KCTD3: variants seen among roughly 807,000 people sequenced by gnomAD.
KCTD3 encodes BTB/POZ domain-containing protein KCTD3.
A neutral mutation model predicts 85.8 loss-of-function variants in KCTD3; 41 were observed. The ratio of observed to expected loss-of-function variants is 0.48; its 90% CI spans 0.37 to 0.62. The LOEUF is 0.62. Ranked by LOEUF, KCTD3 falls within the 20% of genes least tolerant of loss-of-function variation. KCTD3 has a pLI of 0.00. For missense variants in KCTD3, 724 were observed against 989.9 expected (o/e 0.73, Z 3.60); for synonymous variants, 338 against 345.4 (o/e 0.98, Z 0.24).
chr1:215,570,732 AC>A (rs1336359480), intron 1 of KCTD3, among the ~76,000 whole-genome samples: 1 of 152,212 alleles, frequency 6.6e-6, no homozygotes, highest in African/African-American at 2.4e-5. Flanking sequence ...TTAGATTGCT[AC>A]CAAGTTAATT....
chr1:215,620,336 G>A lies in KCTD3; in HGVS notation c.2166G>A (p.Leu722=). 1 of 1,613,864 alleles carries A rather than the reference G, an allele frequency of 6.2e-7. No homozygotes were observed. The highest frequency in any genetic ancestry group is 8.5e-7 in the Non-Finnish European group (1 of 1,179,860). The change falls in exon 18 of 18, where the codon TTG becomes TTA. Residue 722 remains leucine (L), a synonymous_variant. Coordinates refer to ENST00000259154, the MANE Select transcript of KCTD3 (RefSeq NM_016121.5). ...TAGAAATAAAAAGTTTGAGAGAATT[G>A]GATAGTGGATTGGAAGTGCATAAAA... ...PGVEIKSLRE[L]DSGLEVHKIA...
intron 9 of KCTD3, among the ~76,000 whole-genome samples, chr1:215,587,690 T>C (rs1660063636): frequency 6.6e-6 from 1 of 152,218 alleles, no homozygotes; most frequent in Non-Finnish European, 1.5e-5. Flanking sequence ...AACTTGATCT[T>C]ACACAGATAT....
intron 13 of KCTD3, among the ~76,000 whole-genome samples, chr1:215,605,894 A>T (rs1655000560): frequency 6.6e-6 from 1 of 152,094 alleles, no homozygotes; most frequent in African/African-American, 2.4e-5. Flanking sequence ...CCCCTAGATG[A>T]CTGTAGTAAC....
chr1:215,618,939 G>C lies in KCTD3; in HGVS notation c.1616G>C (p.Arg539Thr), dbSNP rs776098921. ...DCTTISSFTV[R>T]ECEGSSRMGS... is the part of the protein sequence containing the mutation. ...ACTACAATATCCTCATTTACAGTGA[G>C]GGAATGTGAGGGATCCAGTAGGATG... Residue 539 changes from arginine to threonine, a missense_variant, in exon 16 of 18, where the codon AGG (arginine) becomes ACG (threonine). Arg to Thr is a moderately conservative substitution (Grantham distance 71, BLOSUM62 -1). This residue lies in a region of KCTD3 where 136 missense variants were observed against 197.6 expected (regional missense o/e 0.69). Transcript: ENST00000259154. The C allele has an allele frequency of 6.2e-7, 1 of 1,613,480 alleles. No homozygotes were observed. Among genetic ancestry groups the C allele is most frequent in the South Asian group, 1.1e-5 (1 of 90,884 alleles).
intron 9 of KCTD3, among the ~76,000 whole-genome samples, chr1:215,590,733 T>C (rs1451918327): frequency 6.6e-6 from 1 of 152,224 alleles, no homozygotes; most frequent in Non-Finnish European, 1.5e-5. Context: ...CTTGTCTTTT[T>C]GTTCATTATG....
chr1:215,580,032 A>C (rs1436043039), intron 8 of KCTD3, 33 bp downstream of exon 8: 1 of 1,298,814 alleles, frequency 7.7e-7, no homozygotes, highest in Admixed American at 2.0e-5. Context: ...TTGCTTTTAC[A>C]GGTGGCAGTT....
chr1:215,583,243 T>C (rs1659892014), intron 8 of KCTD3, among the ~76,000 whole-genome samples: 1 of 152,192 alleles, frequency 6.6e-6, no homozygotes, highest in Admixed American at 6.5e-5. Context: ...TTCTTGATTA[T>C]ATACTAAATA....
At chr1:215,600,261 ATTAT>A (rs1297537203) in intron 10 of KCTD3, among the ~76,000 whole-genome samples, 2 of 152,200 alleles carry the variant, frequency 1.3e-5, no homozygotes, top group Admixed American at 1.3e-4. Flanking sequence ...AGAAATTAGG[ATTAT>A]ATACAGGAAG....
chr1:215,593,750 A>G (rs1660305676), intron 9 of KCTD3, among the ~76,000 whole-genome samples: 2 of 152,156 alleles, frequency 1.3e-5, no homozygotes, highest in Admixed American at 1.3e-4. Context: ...ACAGTATTGT[A>G]GAGGTGAGAC....
At position 215,620,750 on chromosome 1, in the gene KCTD3, G is replaced by T; in HGVS notation, c.*132G>T. 8.3e-6 allele frequency: 5 copies of T among 601,898 alleles called. No individual in the cohort carries two copies. The highest frequency in any genetic ancestry group is 1.9e-5 in the African/African-American group (1 of 53,178). 37.3% of individuals were successfully genotyped at this position (601,898 alleles called of 1,614,324 possible). A position where few individuals can be genotyped will look rare whatever the true frequency, so the allele number is the denominator to read the frequency against. On this transcript the variant is annotated 3_prime_UTR_variant, in exon 18 of 18. Transcript: ENST00000259154. ...GACTTCATTTAGTATCTTTTTAACAGAATTACTTGGAATAATGAGATACAA... is the reference window on the plus strand; with the variant it reads ...GACTTCATTTAGTATCTTTTTAACATAATTACTTGGAATAATGAGATACAA...
intron 10 of KCTD3, among the ~76,000 whole-genome samples, chr1:215,599,617 C>T (rs1056407763): frequency 3.3e-5 from 5 of 152,038 alleles, no homozygotes; most frequent in Admixed American, 1.3e-4. Context: ...GTTGTTAGGA[C>T]GAAGAAGAGG....
chr1:215,579,157 A>T lies in KCTD3; in HGVS notation c.535+20A>T, dbSNP rs1377654627. ...GGCTAGGTAAGCAAAGATTACAGAA[A>T]TAGAAAAAGAAAAATACGTATGTTT... On this transcript the variant is annotated intron_variant, in intron 7 of 17. Transcript: ENST00000259154. 1 of 1,601,778 alleles carries T rather than the reference A, an allele frequency of 6.2e-7. No individual in the cohort carries two copies. The highest frequency in any genetic ancestry group is 2.3e-5 in the East Asian group (1 of 44,318).
intron 15 of KCTD3, among the ~76,000 whole-genome samples, chr1:215,615,635 AAG>A (rs1491444612): frequency 1.3e-5 from 2 of 152,220 alleles, no homozygotes; most frequent in Admixed American, 6.5e-5. Flanking sequence ...AAAAAAAAAA[AAG>A]AAATCTGCAT....
intron 15 of KCTD3, chr1:215,618,298 T>G: frequency 5.2e-6 from 1 of 192,974 alleles, no homozygotes; most frequent in South Asian, 8.9e-5. Flanking sequence ...CATGTAGGAA[T>G]TATCTTTTTC....
Position 215,601,851 on chromosome 1 carries a change from A to T in KCTD3, c.934-16A>T, listed in dbSNP as rs1377147206. 7.4e-7 allele frequency: 1 copy of T among 1,348,300 alleles called. No individual in the cohort carries two copies. Among genetic ancestry groups the T allele is most frequent in the Admixed American group, 1.9e-5 (1 of 53,942 alleles). 83.5% of individuals were successfully genotyped at this position (1,348,300 alleles called of 1,614,324 possible). ...TAATTACTATCTAACATCTGATAAT[A>T]CTCTCACTACATCAGGTTCAAGATG... On this transcript the variant is annotated splice_polypyrimidine_tract_variant and intron_variant, in intron 10 of 17. Coordinates refer to ENST00000259154, the MANE Select transcript of KCTD3 (RefSeq NM_016121.5).
intron 3 of KCTD3, 59 bp from the exon 4 acceptor site, chr1:215,575,842 A>T (rs1558228325): frequency 1.1e-6 from 1 of 912,732 alleles, no homozygotes; most frequent in Non-Finnish European, 1.7e-6. Context: ...AGTGTTACAG[A>T]TATTAAAGTT....
intron 15 of KCTD3, among the ~76,000 whole-genome samples, chr1:215,617,880 T>C (rs1029974412): frequency 1.3e-5 from 2 of 148,366 alleles, no homozygotes; most frequent in African/African-American, 4.9e-5. Context: ...ATATATAATA[T>C]ATATGTATAT....
chr1:215,614,179 A>G (rs1655343879), intron 15 of KCTD3, among the ~76,000 whole-genome samples: 1 of 151,416 alleles, frequency 6.6e-6, no homozygotes, highest in South Asian at 2.1e-4. Context: ...TTACAAATGC[A>G]TGCCACCACG....
intron 14 of KCTD3, among the ~76,000 whole-genome samples, chr1:215,608,832 TA>T (rs1399255203): frequency 6.6e-6 from 1 of 151,982 alleles, no homozygotes; most frequent in African/African-American, 2.4e-5. Flanking sequence ...ACCACAGCCT[TA>T]CTATTTTTAG....
Sources: gnomAD v4.1 joint callset for allele counts (sites outside exome capture counted in the v4.1 genomes callset) on GRCh38, gnomAD v4.1.1 for gene constraint, gnomAD v4.1.1 regional missense constraint, MANE v1.5 for transcripts, NCBI Gene and HGNC (gene_info 2026-07-23, HGNC 2026-07-21) for gene names.